The following DLG2 variants were observed in gnomAD, a reference collection of about 807,000 sequenced individuals.
The protein encoded by DLG2 is discs large MAGUK scaffold protein 2, also known as disks large homolog 2.
A neutral mutation model predicts 132.5 loss-of-function variants in DLG2; 45 were observed. The ratio of observed to expected loss-of-function variants is 0.34; its 90% confidence interval spans 0.27 to 0.44. The LOEUF is 0.44. DLG2 is among the 20% of genes least tolerant of loss of function. The pLI is 1.00. For missense variants in DLG2, 1,045 were observed against 1,196.9 expected (o/e 0.87, Z 1.87); for synonymous variants, 424 against 419.6 (o/e 1.01, Z -0.13).
chr11:84,226,560 A>G (rs1566987848), intron 8 of DLG2, among the ~76,000 whole-genome samples: 2 of 152,244 alleles, frequency 1.3e-5, no homozygotes, highest in Admixed American at 1.3e-4. Flanking sequence ...TATTTCTAAT[A>G]ACATATGCAT....
intron 6 of DLG2, among the ~76,000 whole-genome samples, chr11:84,886,718 GA>G (rs1413792839): frequency 6.6e-6 from 1 of 152,112 alleles, no homozygotes; most frequent in Non-Finnish European, 1.5e-5. Flanking sequence ...TAGACAGGTA[GA>G]AAACACAGTG....
intron 4 of DLG2, among the ~76,000 whole-genome samples, chr11:85,206,691 G>A (rs1007886880): frequency 1.3e-5 from 2 of 151,842 alleles, no homozygotes; most frequent in African/African-American, 4.8e-5. Flanking sequence ...TAATCTTCTG[G>A]GCGTGGTGGT....
chr11:85,099,987 C>T (rs1399351065), intron 6 of DLG2, among the ~76,000 whole-genome samples: 1 of 152,130 alleles, frequency 6.6e-6, no homozygotes, highest in African/African-American at 2.4e-5. Flanking sequence ...TTCAGGAACT[C>T]AAGTAGCCAA....
intron 9 of DLG2, among the ~76,000 whole-genome samples, chr11:84,109,488 T>C (rs747598711): frequency 6.6e-6 from 1 of 152,186 alleles, no homozygotes; most frequent in Non-Finnish European, 1.5e-5. Context: ...GAGAGCAATA[T>C]GGGATCAAAT....
chr11:84,086,859 C>T (rs1306074484), intron 10 of DLG2, among the ~76,000 whole-genome samples: 2 of 152,138 alleles, frequency 1.3e-5, no homozygotes, highest in Admixed American at 1.3e-4. Context: ...ACTAATCTAC[C>T]TTCTATTTGC....
intron 19 of DLG2, among the ~76,000 whole-genome samples, chr11:83,557,528 C>A (rs1304922361): frequency 6.6e-6 from 1 of 152,138 alleles, no homozygotes; most frequent in East Asian, 1.9e-4. Context: ...ATTATTAATC[C>A]TCTAGGCTCT....
At chr11:85,588,172 T>C (rs7108132) in intron 3 of DLG2, among the ~76,000 whole-genome samples, 18,694 of 152,196 alleles carry the variant, frequency 0.12, 1,382 homozygotes, top group East Asian at 0.28. Flanking sequence ...ATGACAACTA[T>C]GTGACTGGGT....
intron 6 of DLG2, among the ~76,000 whole-genome samples, chr11:84,798,388 C>T (rs998499803): frequency 6.6e-6 from 1 of 152,164 alleles, no homozygotes; most frequent in African/African-American, 2.4e-5. Context: ...TCAAACAACA[C>T]AAAGTCCTTC....
chr11:84,418,292 G>C (rs1257106694), intron 7 of DLG2, among the ~76,000 whole-genome samples: 1 of 152,128 alleles, frequency 6.6e-6, no homozygotes, highest in Non-Finnish European at 1.5e-5. Context: ...TTAGTTCTAT[G>C]AACACATAGG....
At chr11:85,177,284 T>A (rs199715654) in intron 4 of DLG2, among the ~76,000 whole-genome samples, 2 of 129,268 alleles carry the variant, frequency 1.5e-5, no homozygotes, top group African/African-American at 6.5e-5. Context: ...TATATATACA[T>A]ATACACACAC....
intron 3 of DLG2, among the ~76,000 whole-genome samples, chr11:85,445,654 TG>T (rs1375960902): frequency 6.6e-6 from 1 of 152,226 alleles, no homozygotes; most frequent in Non-Finnish European, 1.5e-5. Context: ...CTGTCCAGCC[TG>T]GGCAACGAGA....
At chr11:84,318,344 C>T (rs1363143048) in intron 7 of DLG2, among the ~76,000 whole-genome samples, 1 of 152,226 alleles carries the variant, frequency 6.6e-6, no homozygotes, top group Non-Finnish European at 1.5e-5. Context: ...TCCAAAATGT[C>T]TATCCTTATC....
chr11:85,254,554 A>G (rs1212502822), intron 4 of DLG2, among the ~76,000 whole-genome samples: 1 of 152,218 alleles, frequency 6.6e-6, no homozygotes. Context: ...AGAAAAAATT[A>G]TAAAAGAAAA....
intron 15 of DLG2, among the ~76,000 whole-genome samples, chr11:83,904,479 A>G (rs958015655): frequency 1.3e-5 from 2 of 152,196 alleles, no homozygotes; most frequent in African/African-American, 2.4e-5. Flanking sequence ...ATGATCTTAT[A>G]AAACATCAGA....
chr11:85,465,150 T>TG (rs1247837844), intron 3 of DLG2, among the ~76,000 whole-genome samples: 11 of 138,478 alleles, frequency 7.9e-5, no homozygotes, highest in African/African-American at 2.7e-4. Context: ...ATATAAGATT[T>TG]TTTTTTTTTT....
At chr11:84,067,556 C>CCACACA (rs35165434) in intron 10 of DLG2, among the ~76,000 whole-genome samples, 23 of 148,860 alleles carry the variant, frequency 1.5e-4, no homozygotes, top group African/African-American at 5.4e-4. Flanking sequence ...ACACCCCCCA[C>CCACACA]CACACACACA....
At chr11:83,957,254 A>G (rs2087120182) in intron 14 of DLG2, among the ~76,000 whole-genome samples, 1 of 152,256 alleles carries the variant, frequency 6.6e-6, no homozygotes, top group Admixed American at 6.5e-5. Context: ...AAGTTAAACA[A>G]TAAGAGATAA....
chr11:84,322,250 G>A (rs2098408959), intron 7 of DLG2, among the ~76,000 whole-genome samples: 2 of 152,196 alleles, frequency 1.3e-5, no homozygotes, highest in Admixed American at 1.3e-4. Context: ...AAATGGCAAT[G>A]TGTTCCTACA....
intron 18 of DLG2, among the ~76,000 whole-genome samples, chr11:83,777,763 A>G (rs1328226965): frequency 2.0e-5 from 3 of 152,210 alleles, no homozygotes; most frequent in Non-Finnish European, 4.4e-5. Flanking sequence ...AGTGGGTGAA[A>G]GATAATTTCT....
Sources: gnomAD v4.1 joint callset for allele counts (sites outside exome capture counted in the v4.1 genomes callset) on GRCh38, gnomAD v4.1.1 for gene constraint, MANE v1.5 for transcripts, NCBI Gene and HGNC (gene_info 2026-07-23, HGNC 2026-07-21) for gene names.